HECTD2: variants seen among roughly 807,000 people sequenced by gnomAD.
The protein encoded by HECTD2 is probable E3 ubiquitin-protein ligase HECTD2.
Under a neutral mutation model 103.2 loss-of-function variants are expected in HECTD2, and 35 were observed. The observed-to-expected ratio is 0.34, with a 90% confidence interval of 0.26 to 0.45. HECTD2 has a LOEUF of 0.45. Among genes scored for constraint, HECTD2 ranks in the 20% least tolerant of loss-of-function variants. HECTD2 has a pLI of 1.00. For missense variants in HECTD2, 596 were observed against 937.4 expected (o/e 0.64, Z 4.76); for synonymous variants, 281 against 329.9 (o/e 0.85, Z 1.61).
At position 91,462,103 on chromosome 10, in the gene HECTD2, C is replaced by T; in HGVS notation, c.519C>T (p.Ala173=). Reference sequence around the variant, plus strand: ...TTAAATTGAATTTGCAGAAAGATGCCACTGCCTCATTTAACACCATTGAAG... The same window carrying T: ...TTAAATTGAATTTGCAGAAAGATGCTACTGCCTCATTTAACACCATTGAAG... ...PELNAAFKKD[A]TASFNTIEDS... The change falls in exon 5 of 21, where the codon GCC becomes GCT. Residue 173 remains alanine, a synonymous_variant. Coordinates refer to ENST00000298068, the MANE Select transcript of HECTD2 (RefSeq NM_182765.6). The T allele has an allele frequency of 6.3e-7, 1 of 1,586,528 alleles. No individual in the cohort carries two copies. The highest frequency in any genetic ancestry group is 1.1e-5 in the South Asian group (1 of 88,366).
At chr10:91,488,395 T>C (rs1327114348) in intron 11 of HECTD2, 1 of 152,232 alleles carries the variant, frequency 6.6e-6, no homozygotes, top group African/African-American at 2.4e-5. Context: ...TTCCTATCCC[T>C]TGTGTTTCAG....
chr10:91,477,298 G>T (rs1030619954), intron 5 of HECTD2, among the ~76,000 whole-genome samples: 1 of 152,170 alleles, frequency 6.6e-6, no homozygotes, highest in African/African-American at 2.4e-5. Flanking sequence ...GAATAAGAAG[G>T]TTTGAAATAT....
At chr10:91,489,318 G>C (rs932032821) in intron 11 of HECTD2, 1 of 152,126 alleles carries the variant, frequency 6.6e-6, no homozygotes, top group Admixed American at 6.5e-5. Context: ...CTCATAAATT[G>C]CCATATCACT....
chr10:91,418,506 T>G (rs1372878144), intron 1 of HECTD2, among the ~76,000 whole-genome samples: 1 of 152,200 alleles, frequency 6.6e-6, no homozygotes, highest in South Asian at 2.1e-4. Flanking sequence ...TTTAAAGATA[T>G]GATTTATATA....
At chr10:91,507,459 C>A (rs1042873524) in intron 20 of HECTD2, among the ~76,000 whole-genome samples, 4 of 152,220 alleles carry the variant, frequency 2.6e-5, no homozygotes, top group African/African-American at 4.8e-5. Flanking sequence ...GCAAAAATCA[C>A]AAGCATTCTT....
At chr10:91,464,878 A>C (rs994439136) in intron 5 of HECTD2, among the ~76,000 whole-genome samples, 4 of 152,234 alleles carry the variant, frequency 2.6e-5, no homozygotes, top group Non-Finnish European at 1.5e-5. Context: ...TATGTTAAAA[A>C]ATTAAATATA....
chr10:91,478,354 T>G, intron 6 of HECTD2, 89 bp downstream of exon 6: 1 of 785,174 alleles, frequency 1.3e-6, no homozygotes, highest in Admixed American at 2.3e-5. Context: ...TGTATTTTAC[T>G]CTCAGAAAAG....
At chr10:91,454,844 T>G (rs1313690001) in intron 2 of HECTD2, among the ~76,000 whole-genome samples, 1 of 152,034 alleles carries the variant, frequency 6.6e-6, no homozygotes, top group African/African-American at 2.4e-5. Flanking sequence ...CTTGCGATAG[T>G]TTGCTGAGAA....
In HECTD2 at chr10:91,462,058, A is replaced by G. The variant is rs575196506; in HGVS notation, c.511-37A>G. On this transcript the variant is annotated intron_variant, in intron 4 of 20. Coordinates refer to ENST00000298068, the MANE Select transcript of HECTD2 (RefSeq NM_182765.6). Reference sequence around the variant, plus strand: ...AATTTTACTAAGAATAGTCTTTAAAATGTTGAATATACTTAATTCTTAAAT... The same window carrying G: ...AATTTTACTAAGAATAGTCTTTAAAGTGTTGAATATACTTAATTCTTAAAT... 5.0e-5 allele frequency: 71 copies of G among 1,423,844 alleles called. 1 individual carries two copies. The South Asian group carries it at 6.6e-4, about 13-fold the overall frequency. 88.2% of individuals were successfully genotyped at this position (1,423,844 alleles called of 1,614,324 possible).
At chr10:91,496,509 A>T in intron 15 of HECTD2, 137 bp downstream of exon 15, 1 of 616,590 alleles carries the variant, frequency 1.6e-6, no homozygotes. Context: ...TCCTTTTTTC[A>T]TCTAGCTTTT....
intron 1 of HECTD2, among the ~76,000 whole-genome samples, chr10:91,417,527 C>T (rs542447479): frequency 6.6e-6 from 1 of 152,086 alleles, no homozygotes; most frequent in African/African-American, 2.4e-5. Flanking sequence ...CCCGCCCCCC[C>T]ACAACAGGCC....
intron 20 of HECTD2, among the ~76,000 whole-genome samples, chr10:91,507,582 T>A (rs1847241346): frequency 6.6e-6 from 1 of 151,590 alleles, no homozygotes; most frequent in African/African-American, 2.4e-5. Flanking sequence ...AAGGACCTCT[T>A]CAAGGAGAAC....
intron 5 of HECTD2, among the ~76,000 whole-genome samples, chr10:91,471,850 AG>A (rs1845740564): frequency 6.6e-6 from 1 of 152,206 alleles, no homozygotes; most frequent in Admixed American, 6.5e-5. Flanking sequence ...GCTCAAGGAC[AG>A]GAAGAATCAA....
chr10:91,465,159 A>G (rs1306613595), intron 5 of HECTD2, among the ~76,000 whole-genome samples: 1 of 152,212 alleles, frequency 6.6e-6, no homozygotes, highest in Non-Finnish European at 1.5e-5. Flanking sequence ...TTGTTGAACT[A>G]AACAAACGAG....
chr10:91,437,783 G>A (rs903680360), intron 2 of HECTD2, among the ~76,000 whole-genome samples: 9 of 151,792 alleles, frequency 5.9e-5, no homozygotes, highest in South Asian at 4.2e-4. Flanking sequence ...ATTACAGGCC[G>A]TTATCTAGGT....
At chr10:91,481,901 A>G (rs796910254) in intron 7 of HECTD2, among the ~76,000 whole-genome samples, 24 of 151,960 alleles carry the variant, frequency 1.6e-4, no homozygotes, top group African/African-American at 5.1e-4. Flanking sequence ...AATATGTCTA[A>G]TGAAAGAACA....
At chr10:91,434,534 A>G (rs1844031566) in intron 2 of HECTD2, among the ~76,000 whole-genome samples, 1 of 152,038 alleles carries the variant, frequency 6.6e-6, no homozygotes, top group African/African-American at 2.4e-5. Context: ...CTTGAGTCGT[A>G]AAGTGCCATT....
chr10:91,462,569 TCTTGGGTG>T, intron 5 of HECTD2: 1 of 1,036,600 alleles, frequency 9.6e-7, no homozygotes, highest in Non-Finnish European at 1.2e-6. Context: ...ATTCAGTAGG[TCTTGGGTG>T]AAGCCCAAGA....
intron 5 of HECTD2, among the ~76,000 whole-genome samples, chr10:91,468,672 C>T (rs1326090887): frequency 6.6e-6 from 1 of 151,968 alleles, no homozygotes; most frequent in African/African-American, 2.4e-5. Flanking sequence ...TAAAATAATA[C>T]AGGAGATAAA....
Sources: allele counts gnomAD v4.1 joint callset (sites outside exome capture counted in the v4.1 genomes callset), GRCh38; gene constraint gnomAD v4.1.1; transcripts MANE v1.5; gene names NCBI Gene and HGNC (gene_info 2026-07-23, HGNC 2026-07-21).